DENND1A: variants seen among roughly 807,000 people sequenced by gnomAD.
DENND1A encodes DENN domain containing 1A.
Under a neutral mutation model 113.7 loss-of-function variants are expected in DENND1A, and 51 were observed. That is an observed-to-expected ratio of 0.45 (90% confidence interval 0.36 to 0.57). The LOEUF is 0.57. Ranked by LOEUF, DENND1A falls within the 20% of genes least tolerant of loss-of-function variation. The pLI is 0.00. For synonymous variants in DENND1A, 565 were observed against 570.8 expected (o/e 0.99, Z 0.14); for missense variants, 1,258 against 1,395.9 (o/e 0.90, Z 1.57).
chr9:123,699,631 G>A lies in DENND1A; in HGVS notation c.303-22842C>T, dbSNP rs900055452. ...AACTCAGTTCCTTTTTTTTCCCTGC[G>A]GATACCCAACTGCTCCATCGACATT... is the stretch of plus-strand genomic sequence containing the variant. On this transcript the variant is annotated intron_variant, in intron 5 of 23. Transcript: ENST00000394215. 4.6e-5 allele frequency among the ~76,000 whole-genome samples: 7 copies of A among 150,550 alleles called. No individual in the cohort carries two copies. In the South Asian group the frequency reaches 8.4e-4, roughly 18 times the overall value.
At chr9:123,463,720 G>C (rs139396548) in intron 13 of DENND1A, among the ~76,000 whole-genome samples, 5 of 151,952 alleles carry the variant, frequency 3.3e-5, no homozygotes, top group African/African-American at 1.2e-4. Context: ...GACCAGCCTG[G>C]CCAACATGGT....
chr9:123,794,531 C>T (rs923707306), intron 2 of DENND1A, among the ~76,000 whole-genome samples: 2 of 152,190 alleles, frequency 1.3e-5, no homozygotes, highest in Non-Finnish European at 1.5e-5. Context: ...CCAATCGTTA[C>T]TATCATGCCC....
At chr9:123,466,649 G>A (rs1029928724) in intron 13 of DENND1A, among the ~76,000 whole-genome samples, 3 of 152,160 alleles carry the variant, frequency 2.0e-5, no homozygotes, top group African/African-American at 7.2e-5. Context: ...GCTTACTGAT[G>A]AGAAAGGTAA....
intron 10 of DENND1A, among the ~76,000 whole-genome samples, chr9:123,618,630 G>C (rs1008369018): frequency 1.3e-5 from 2 of 152,218 alleles, no homozygotes; most frequent in African/African-American, 4.8e-5. Flanking sequence ...GAGGTGGTTA[G>C]GCTGTGGTCC....
At chr9:123,635,213 C>T (rs1169392698) in intron 9 of DENND1A, among the ~76,000 whole-genome samples, 1 of 152,160 alleles carries the variant, frequency 6.6e-6, no homozygotes, top group African/African-American at 2.4e-5. Context: ...AATGCCCCCT[C>T]CAAAGACAAA....
At chr9:123,785,869 CT>C (rs1832080142) in intron 3 of DENND1A, among the ~76,000 whole-genome samples, 1 of 152,130 alleles carries the variant, frequency 6.6e-6, no homozygotes, top group South Asian at 2.1e-4. Context: ...GAAAGTGAGC[CT>C]TTTGGGCAAG....
chr9:123,631,766 C>A (rs1165242368), intron 9 of DENND1A, among the ~76,000 whole-genome samples: 1 of 151,620 alleles, frequency 6.6e-6, no homozygotes, highest in Non-Finnish European at 1.5e-5. Flanking sequence ...CCTTTTTTTT[C>A]TTGAGAGCTA....
chr9:123,429,854 A>G (rs1319468328), intron 19 of DENND1A, among the ~76,000 whole-genome samples: 1 of 152,222 alleles, frequency 6.6e-6, no homozygotes, highest in African/African-American at 2.4e-5. Context: ...AATGGGATCT[A>G]ATTAAATTAA....
Position 123,879,199 on chromosome 9 carries a change from GA to G in DENND1A, c.18-179del, listed in dbSNP as rs534156320. On this transcript the variant is annotated intron_variant, in intron 1 of 23. Transcript: ENST00000394215. ...ACCATGCCTTCCTAAACTACAAAAT[GA>G]AAACACTTAGCCAAAGAATTACTGT... is the stretch of plus-strand genomic sequence containing the variant. Among the ~76,000 whole-genome samples the G allele has an allele frequency of 7.4e-4, 113 of 152,196 alleles. 1 individual carries two copies. The highest frequency in any genetic ancestry group is 2.6e-3 in the African/African-American group (109 of 41,528).
intron 5 of DENND1A, among the ~76,000 whole-genome samples, chr9:123,716,569 T>G (rs773149628): frequency 7.9e-5 from 12 of 151,866 alleles, no homozygotes; most frequent in South Asian, 2.1e-4. Flanking sequence ...GAAACCTACA[T>G]GACAAGACAT....
At chr9:123,840,807 A>C (rs1841721261) in intron 2 of DENND1A, among the ~76,000 whole-genome samples, 1 of 152,270 alleles carries the variant, frequency 6.6e-6, no homozygotes, top group Admixed American at 6.5e-5. Flanking sequence ...CCAAATAACC[A>C]GCATGGAGTA....
chr9:123,689,232 C>A (rs2065014612), intron 5 of DENND1A, among the ~76,000 whole-genome samples: 2 of 152,228 alleles, frequency 1.3e-5, no homozygotes, highest in South Asian at 4.2e-4. Context: ...ATCATATTGG[C>A]CAGGCTGGTC....
At chr9:123,618,640 C>T in intron 10 of DENND1A, among the ~76,000 whole-genome samples, 1 of 152,198 alleles carries the variant, frequency 6.6e-6, no homozygotes, top group East Asian at 1.9e-4. Flanking sequence ...GGCTGTGGTC[C>T]AGACAGCTCC....
rs779124894 is a variant in DENND1A at position 123,381,509 on chromosome 9, C to G, written c.3136G>C (p.Val1046Leu). 3.7e-6 allele frequency: 6 copies of G among 1,613,512 alleles called. No homozygotes were observed. Among genetic ancestry groups the G allele is most frequent in the South Asian group, 3.3e-5 (3 of 91,062 alleles). The change falls in exon 24 of 24, where the codon GTG (valine) becomes CTG (leucine). Residue 1046 changes from valine to leucine, a missense_variant. Val to Leu is a conservative substitution (Grantham distance 32). Transcript: ENST00000394215. This position sits in a 1 kb window ranked among gnomAD's most constrained non-coding sequence, Gnocchi z 4.7. ...GGGGCCAGGGCCGGACTCGGGCTCA[C>G]GTCTTGCTTGGTTTTCTGTAACAAA... Reference protein sequence around the residue: ...EDLLQKTKQDVSPSPALAPAP... With the variant: ...EDLLQKTKQDLSPSPALAPAP...
In DENND1A at chr9:123,609,475, G is replaced by T; in HGVS notation, c.726C>A (p.Pro242=). 1 of 1,613,450 alleles carries T rather than the reference G, an allele frequency of 6.2e-7. No homozygotes were observed. Among genetic ancestry groups the T allele is most frequent in the South Asian group, 1.1e-5 (1 of 90,806 alleles). The change falls in exon 11 of 24, where the codon CCC becomes CCA. Residue 242 remains proline (P), a synonymous_variant. Coordinates refer to ENST00000394215, the MANE Select transcript of DENND1A (RefSeq NM_001352964.2). ...AATGGATTCCTATGAGGTAGGGCAT[G>T]GGAGCACTGTGAAGAGAAACAGAGA... is the stretch of plus-strand genomic sequence containing the variant. ...PPHLLDYCCA[P]MPYLIGIHLS...
intron 2 of DENND1A, among the ~76,000 whole-genome samples, chr9:123,865,228 A>G (rs1310286345): frequency 1.3e-5 from 2 of 152,120 alleles, no homozygotes; most frequent in Admixed American, 1.3e-4. Context: ...CTAAATCTCA[A>G]CTTCAATTGG....
At chr9:123,652,362 A>G (rs2062704960) in intron 8 of DENND1A, 1 of 417,630 alleles carries the variant, frequency 2.4e-6, no homozygotes, top group Non-Finnish European at 4.4e-6. Flanking sequence ...GGTGATTACA[A>G]CATGAGGTCG....
In DENND1A at chr9:123,422,395, A is replaced by C. The variant is rs2045377136; in HGVS notation, c.1489-10566T>G. 6.6e-6 allele frequency among the ~76,000 whole-genome samples: 1 copy of C among 152,220 alleles called. No individual in the cohort carries two copies. The highest frequency in any genetic ancestry group is 6.5e-5 in the Admixed American group (1 of 15,286). The stretch of plus-strand genomic sequence containing the variant: ...CCAGGGCCATCCCCCAAAGCAATAG[A>C]CTTTTTGAGTGGAATGCAAACGTGG... On this transcript the variant is annotated intron_variant, in intron 19 of 23. Coordinates refer to ENST00000394215, the MANE Select transcript of DENND1A (RefSeq NM_001352964.2). This position sits in a 1 kb window ranked among gnomAD's most constrained non-coding sequence, Gnocchi z 4.8.
chr9:123,852,247 C>T (rs1297056023), intron 2 of DENND1A, among the ~76,000 whole-genome samples: 1 of 152,202 alleles, frequency 6.6e-6, no homozygotes, highest in Non-Finnish European at 1.5e-5. Context: ...CTAAGTTTCT[C>T]ATCCTCACCT....
Sources: gnomAD v4.1 joint callset for allele counts (sites outside exome capture counted in the v4.1 genomes callset) on GRCh38, gnomAD v4.1.1 for gene constraint, Gnocchi (gnomAD v3.1) non-coding constraint, MANE v1.5 for transcripts, NCBI Gene and HGNC (gene_info 2026-07-23, HGNC 2026-07-21) for gene names.